Variants in GPCPD1 observed in about 807,000 individuals in gnomAD.
GPCPD1 encodes the protein glycerophosphocholine phosphodiesterase GPCPD1.
In GPCPD1, 29 loss-of-function variants were observed where a neutral mutation model predicts 89.2. That is an observed-to-expected ratio of 0.33 (90% confidence interval 0.24 to 0.44). The LOEUF (loss-of-function observed/expected upper bound fraction) is 0.44, where lower values mean the gene tolerates loss of function less well. Ranked by LOEUF, GPCPD1 falls within the 20% of genes least tolerant of loss-of-function variation. The pLI, the probability that GPCPD1 is intolerant of heterozygous loss-of-function variation, is 1.00. For synonymous variants in GPCPD1, 258 were observed against 266.3 expected, an observed-to-expected ratio of 0.97 and a Z score of 0.30; for missense variants, 594 against 808.9, an observed-to-expected ratio of 0.73 and a Z score of 3.22.
At chr20:5,600,281 C>T (rs1039664442) in intron 2 of GPCPD1, among the ~76,000 whole-genome samples, 6 of 152,220 alleles carry the variant, frequency 3.9e-5, no homozygotes, top group East Asian at 1.9e-4. Context: ...GTGGGCCGGG[C>T]GCAGTGGCCC....
chr20:5,550,065 C>T (rs1054260035), intron 19 of GPCPD1, among the ~76,000 whole-genome samples: 8 of 151,602 alleles, frequency 5.3e-5, no homozygotes, highest in Non-Finnish European at 8.8e-5. Context: ...TGGTGGCGTG[C>T]GCCTGTAGGC....
intron 8 of GPCPD1, among the ~76,000 whole-genome samples, chr20:5,577,608 T>A (rs939264888): frequency 3.9e-5 from 6 of 152,214 alleles, no homozygotes; most frequent in Admixed American, 2.0e-4. Context: ...TAGATTTTTT[T>A]AAATCCATTC....
chr20:5,547,785 T>C lies in GPCPD1; in HGVS notation c.1895A>G (p.Gln632Arg). 1 of 1,610,990 alleles carries C rather than the reference T, an allele frequency of 6.2e-7. No individual in the cohort carries two copies. The highest frequency in any genetic ancestry group is 2.2e-5 in the East Asian group (1 of 44,862). The part of the protein sequence containing the change: ...FQVEQLERLK[Q>R]ELPELKSCLC... Reference sequence around the variant, plus strand: ...ACAGCTCTTAAGCTCTGGCAATTCCTGCTTCAGGCGTTCCAATTGCTCCAC... The same window carrying C: ...ACAGCTCTTAAGCTCTGGCAATTCCCGCTTCAGGCGTTCCAATTGCTCCAC... The change falls in exon 20 of 20, where the codon CAG (glutamine) becomes CGG (arginine). Residue 632 changes from glutamine (Q) to arginine (R), a missense_variant. Coordinates refer to ENST00000379019, the MANE Select transcript of GPCPD1 (RefSeq NM_019593.5).
intron 19 of GPCPD1, among the ~76,000 whole-genome samples, chr20:5,553,530 AAGAT>A (rs758174443): frequency 6.6e-6 from 1 of 152,250 alleles, no homozygotes; most frequent in African/African-American, 2.4e-5. Context: ...GTTAAAAACT[AAGAT>A]AGGCTGAAAG....
At chr20:5,601,361 C>CTTTTTTTTT (rs1209326779) in intron 2 of GPCPD1, among the ~76,000 whole-genome samples, 3 of 73,046 alleles carry the variant, frequency 4.1e-5, no homozygotes, top group Admixed American at 1.9e-4. Flanking sequence ...CCCTGTTAAT[C>CTTTTTTTTT]TTTTTTTTTT....
chr20:5,574,467 G>A (rs1457459980), intron 10 of GPCPD1, among the ~76,000 whole-genome samples: 1 of 152,210 alleles, frequency 6.6e-6, no homozygotes, highest in East Asian at 1.9e-4. Flanking sequence ...AGTTGCGGTG[G>A]CTCACGCCTG....
intron 4 of GPCPD1, among the ~76,000 whole-genome samples, chr20:5,588,002 C>T (rs1979048547): frequency 6.6e-6 from 1 of 152,098 alleles, no homozygotes; most frequent in African/African-American, 2.4e-5. Flanking sequence ...CTAAACACTT[C>T]CCTGCTATAA....
At chr20:5,564,328 T>TA (rs989180988) in intron 15 of GPCPD1, among the ~76,000 whole-genome samples, 2,154 of 146,498 alleles carry the variant, frequency 0.015, 37 homozygotes, top group African/African-American at 0.043. Flanking sequence ...AAAATATTGT[T>TA]AAAAAAAAAA....
At chr20:5,550,638 A>C (rs1051729973) in intron 19 of GPCPD1, among the ~76,000 whole-genome samples, 7 of 152,244 alleles carry the variant, frequency 4.6e-5, no homozygotes, top group Admixed American at 6.5e-5. Context: ...ACTGAGCAAC[A>C]ACACTGGAAT....
chr20:5,599,992 G>A lies in GPCPD1; in HGVS notation c.50-1171C>T, dbSNP rs144945484. ...GCAGAACACACTTGGATAAAAGTAC[G>A]TAGAAGTCTCTGACTTAAATATCAA... On this transcript the variant is annotated intron_variant, in intron 2 of 19. Transcript: ENST00000379019. Among the ~76,000 whole-genome samples the A allele has an allele frequency of 4.5e-4, 68 of 152,284 alleles. No individual in the cohort carries two copies. The East Asian group carries it at 0.011, about 25-fold the overall frequency.
intron 1 of GPCPD1, among the ~76,000 whole-genome samples, chr20:5,605,926 G>T (rs1980551850): frequency 6.6e-6 from 1 of 151,728 alleles, no homozygotes; most frequent in African/African-American, 2.4e-5. Flanking sequence ...TGTCAATTAG[G>T]ATTCTTCCTC....
intron 4 of GPCPD1, among the ~76,000 whole-genome samples, chr20:5,592,621 A>AC (rs966247975): frequency 6.6e-6 from 1 of 152,192 alleles, no homozygotes; most frequent in African/African-American, 2.4e-5. Flanking sequence ...TGTATCCTAG[A>AC]CCCCTGCCTA....
At chr20:5,598,644 A>C in intron 3 of GPCPD1, 81 bp downstream of exon 3, 1 of 773,586 alleles carries the variant, frequency 1.3e-6, no homozygotes, top group Non-Finnish European at 2.2e-6. Context: ...TAAAAGAAAA[A>C]ATACCAAGAT....
In GPCPD1 at chr20:5,582,205, A is replaced by C. The variant is rs1051838807; in HGVS notation, c.350-2074T>G. On this transcript the variant is annotated intron_variant, in intron 6 of 19. Transcript: ENST00000379019. ...CCGTCTCAAAAAAAAAAAAAAAAAA[A>C]AAAAAAAAAAAAAACTACTACTCCA... Among the ~76,000 whole-genome samples, 8 of 142,454 alleles carry C rather than the reference A, an allele frequency of 5.6e-5. No individual in the cohort carries two copies. The East Asian group carries it at 1.4e-3, about 24-fold the overall frequency. The allele number at this position is 142,454 out of a possible 152,430, so 93.5% of individuals were successfully genotyped here.
intron 6 of GPCPD1, among the ~76,000 whole-genome samples, chr20:5,582,141 G>C (rs1266438626): frequency 2.5e-5 from 3 of 120,504 alleles, no homozygotes; most frequent in Non-Finnish European, 1.6e-5. Flanking sequence ...AGCCGAGATC[G>C]CGCCACTGCA....
At chr20:5,603,301 A>G (rs1237360045) in intron 2 of GPCPD1, among the ~76,000 whole-genome samples, 1 of 152,168 alleles carries the variant, frequency 6.6e-6, no homozygotes, top group Non-Finnish European at 1.5e-5. Flanking sequence ...TCAAAAAAAA[A>G]GTAATGTTTT....
chr20:5,599,607 T>C (rs1005982248), intron 2 of GPCPD1, among the ~76,000 whole-genome samples: 2 of 152,080 alleles, frequency 1.3e-5, no homozygotes, highest in East Asian at 1.9e-4. Context: ...TGGGCTGGAG[T>C]GCAGTGTCAT....
chr20:5,559,808 AAC>A lies in GPCPD1; in HGVS notation c.1532+130_1532+131del, dbSNP rs1985987938. On this transcript the variant is annotated intron_variant, in intron 17 of 19. Coordinates refer to ENST00000379019, the MANE Select transcript of GPCPD1 (RefSeq NM_019593.5). ...AAACAGTCAAGAAAGGGCATGAGGA[AAC>A]ACACAACCTGACATGATTTCAGAGG... 7 of 517,622 alleles carry A rather than the reference AAC, an allele frequency of 1.4e-5. No individual in the cohort carries two copies. In the South Asian group the frequency reaches 1.9e-4, roughly 14 times the overall value. The allele number at this position is 517,622 out of a possible 1,614,324, so 32.1% of individuals were successfully genotyped here. A position where few individuals can be genotyped will look rare whatever the true frequency, so the allele number is the denominator to read the frequency against.
chr20:5,586,047 C>T lies in GPCPD1; in HGVS notation c.307+147G>A, dbSNP rs1445828874. 1.2e-4 allele frequency: 54 copies of T among 449,612 alleles called. 1 individual carries two copies. The highest frequency in any genetic ancestry group is 2.1e-4 in the Non-Finnish European group (53 of 247,862). 27.9% of individuals were successfully genotyped at this position (449,612 alleles called of 1,614,324 possible). On this transcript the variant is annotated intron_variant, in intron 5 of 19. Coordinates refer to ENST00000379019, the MANE Select transcript of GPCPD1 (RefSeq NM_019593.5). ...ATTAAAAACTGTTGTTTTGAAAGAT[C>T]CATGAAATGCTCAGTGAAATTTGTA...
Sources: gnomAD v4.1 joint callset for allele counts (sites outside exome capture counted in the v4.1 genomes callset) on GRCh38, gnomAD v4.1.1 for gene constraint, MANE v1.5 for transcripts, NCBI Gene and HGNC (gene_info 2026-07-23, HGNC 2026-07-21) for gene names.